Variants in IQSEC1 observed in about 807,000 individuals in gnomAD.
IQSEC1 encodes IQ motif and Sec7 domain ArfGEF 1, also known as IQ motif and SEC7 domain-containing protein 1.
A neutral mutation model predicts 91.0 loss-of-function variants in IQSEC1; 31 were observed. The ratio of observed to expected loss-of-function variants is 0.34; its 90% CI spans 0.26 to 0.46. The LOEUF is 0.46. Among genes scored for constraint, IQSEC1 ranks in the 20% least tolerant of loss-of-function variants. The pLI, the probability that IQSEC1 is intolerant of heterozygous loss-of-function variation, is 1.00. For synonymous variants in IQSEC1, 699 were observed against 662.6 expected (o/e 1.05, Z -0.84); for missense variants, 1,388 against 1,575.6 (o/e 0.88, Z 2.02).
At chr3:13,039,435 C>T (rs1002463546) in intron 1 of IQSEC1, among the ~76,000 whole-genome samples, 2 of 152,202 alleles carry the variant, frequency 1.3e-5, no homozygotes, top group African/African-American at 2.4e-5. Flanking sequence ...GCAAAACACC[C>T]CTTTCATACT....
intron 3 of IQSEC1, among the ~76,000 whole-genome samples, chr3:12,929,745 G>A (rs762477498): frequency 2.6e-5 from 4 of 152,082 alleles, no homozygotes; most frequent in Non-Finnish European, 5.9e-5. Flanking sequence ...GCATTAACAG[G>A]TGCTGCCTGC....
At position 12,909,236 on chromosome 3, in the gene IQSEC1, A is replaced by C; in HGVS notation, c.2578+37T>G. The C allele has an allele frequency of 6.2e-7, 1 of 1,604,782 alleles. No homozygotes were observed. The highest frequency in any genetic ancestry group is 8.5e-7 in the Non-Finnish European group (1 of 1,173,106). On this transcript the variant is annotated intron_variant, in intron 11 of 13. Coordinates refer to ENST00000613206, the MANE Select transcript of IQSEC1 (RefSeq NM_001134382.3). This position sits in a 1 kb window ranked among gnomAD's most constrained non-coding sequence, Gnocchi z 4.9. ...GGGGAGGCAAGTGCCAGAGTCTGGCAAGTCTCGGCCTTCTGTCCATGAGGC... is the reference window on the plus strand; with the variant it reads ...GGGGAGGCAAGTGCCAGAGTCTGGCCAGTCTCGGCCTTCTGTCCATGAGGC...
rs1185671483 is a variant in IQSEC1, at chr3:12,978,692, G to A, written c.24-36827C>T. Among the ~76,000 whole-genome samples the A allele has an allele frequency of 4.2e-5, 6 of 141,890 alleles. No homozygotes were observed. The South Asian group carries it at 7.3e-4, about 17-fold the overall frequency. The allele number at this position is 141,890 out of a possible 152,430, so 93.1% of individuals were successfully genotyped here. A position where few individuals can be genotyped will look rare whatever the true frequency, so the allele number is the denominator to read the frequency against. On this transcript the variant is annotated intron_variant, in intron 1 of 13. Coordinates refer to ENST00000613206, the MANE Select transcript of IQSEC1 (RefSeq NM_001134382.3). The stretch of plus-strand genomic sequence containing the variant: ...TGCACTCCAACCTGGGCAATAGAGC[G>A]AGGCTCAGTCTCAAAAAAAAAAATA...
At chr3:12,999,507 G>A (rs1702341740) in intron 1 of IQSEC1, among the ~76,000 whole-genome samples, 1 of 152,170 alleles carries the variant, frequency 6.6e-6, no homozygotes, top group Admixed American at 6.5e-5. Context: ...TGGGTTGGAG[G>A]TCAGTCCTGT....
At chr3:13,074,473 C>T (rs964699570), upstream of IQSEC1, among the ~76,000 whole-genome samples, 3 of 152,238 alleles carry the variant, frequency 2.0e-5, no homozygotes, top group Non-Finnish European at 2.9e-5. Flanking sequence ...GCTTCCTCAT[C>T]TGTAAACCAG....
chr3:13,056,438 T>G (rs111945665), intron 1 of IQSEC1, among the ~76,000 whole-genome samples: 2 of 152,174 alleles, frequency 1.3e-5, no homozygotes, highest in Admixed American at 6.5e-5. Flanking sequence ...CTCCTTCAGA[T>G]GTCAGACCCT....
intron 1 of IQSEC1, among the ~76,000 whole-genome samples, chr3:13,009,076 A>C (rs1576157715): frequency 6.6e-6 from 1 of 152,196 alleles, no homozygotes; most frequent in Non-Finnish European, 1.5e-5. Context: ...CCGAGAGATC[A>C]CCACACAGGG....
chr3:13,162,023 CCTGG>C (rs1306005866), intron 2 of IQSEC1, among the ~76,000 whole-genome samples: 4 of 152,200 alleles, frequency 2.6e-5, no homozygotes, highest in Admixed American at 6.5e-5. Context: ...ACAGCGCCTG[CCTGG>C]CAAATGCTTT....
intron 1 of IQSEC1, among the ~76,000 whole-genome samples, chr3:13,027,765 C>T (rs1288966974): frequency 6.6e-6 from 1 of 152,070 alleles, no homozygotes; most frequent in Non-Finnish European, 1.5e-5. Flanking sequence ...GGGGGGACTC[C>T]GACTGGTCAA....
chr3:13,179,990 TC>T (rs890322477), intron 1 of IQSEC1, among the ~76,000 whole-genome samples: 59 of 152,178 alleles, frequency 3.9e-4, no homozygotes, highest in Middle Eastern at 3.4e-3. Context: ...TGCCTGAGCC[TC>T]CCCCACCCCC....
At chr3:13,109,824 A>G (rs1269772471) in intron 2 of IQSEC1, among the ~76,000 whole-genome samples, 1 of 151,122 alleles carries the variant, frequency 6.6e-6, no homozygotes, top group Non-Finnish European at 1.5e-5. Flanking sequence ...ACCCAGTCTC[A>G]GGAATTTCTT....
rs1017892595 is a variant in IQSEC1 at position 12,994,440 on chromosome 3, C to T, written c.24-52575G>A. On this transcript the variant is annotated intron_variant, in intron 1 of 13. Transcript: ENST00000613206. This position sits in a 1 kb window ranked among gnomAD's most constrained non-coding sequence, Gnocchi z 4.5. ...TGGAGGGCGCTCAGGTCGGTGCAGC[C>T]GCTGCAGCGGATGGGTCAGGAGAGC... is the stretch of plus-strand genomic sequence containing the variant. Among the ~76,000 whole-genome samples, 2 of 152,068 alleles carry T rather than the reference C, an allele frequency of 1.3e-5. No homozygotes were observed. Among genetic ancestry groups the T allele is most frequent in the African/African-American group, 4.8e-5 (2 of 41,410 alleles).
chr3:13,067,039 G>A (rs1165703571), intron 1 of IQSEC1, among the ~76,000 whole-genome samples: 1 of 152,240 alleles, frequency 6.6e-6, no homozygotes, highest in Admixed American at 6.5e-5. Context: ...GATGAGGTCA[G>A]AGGCCCAGAG....
chr3:13,214,008 C>T lies in IQSEC1; in HGVS notation c.273-49875G>A, dbSNP rs1290675654. Among the ~76,000 whole-genome samples, 3 of 152,160 alleles carry T rather than the reference C, an allele frequency of 2.0e-5. No individual in the cohort carries two copies. Among genetic ancestry groups the T allele is most frequent in the Non-Finnish European group, 4.4e-5 (3 of 68,032 alleles). On this transcript the variant is annotated intron_variant, in intron 1 of 15. Coordinates refer to the IQSEC1 transcript ENST00000648114. This position sits in a 1 kb window ranked among gnomAD's most constrained non-coding sequence, Gnocchi z 4.5. ...CCTGGACCCATCGCTCTCCCCCGGG[C>T]TCTTCCTGGTCCCTCCCCGCCACCC...
chr3:13,157,109 G>A (rs1202878324), intron 2 of IQSEC1, among the ~76,000 whole-genome samples: 1 of 152,224 alleles, frequency 6.6e-6, no homozygotes, highest in Non-Finnish European at 1.5e-5. Context: ...ACCTGGGTCA[G>A]ATGCACACAT....
rs573303122 is a variant in IQSEC1 at position 12,955,039 on chromosome 3, C to G, written c.24-13174G>C. ...GAACAGGGGCTCAACAGTCACATAG[C>G]TGATGCGCAGCCCAGCCTGGCAGAG... On this transcript the variant is annotated intron_variant, in intron 1 of 13. Coordinates refer to ENST00000613206, the MANE Select transcript of IQSEC1 (RefSeq NM_001134382.3). Among the ~76,000 whole-genome samples, 3 of 152,350 alleles carry G rather than the reference C, an allele frequency of 2.0e-5. No homozygotes were observed. The East Asian group carries it at 5.8e-4, about 29-fold the overall frequency.
chr3:13,016,585 T>C (rs1429824162), intron 1 of IQSEC1, among the ~76,000 whole-genome samples: 1 of 152,134 alleles, frequency 6.6e-6, no homozygotes, highest in Non-Finnish European at 1.5e-5. Context: ...GCCAGCCTCC[T>C]CCTCTGTGCT....
At chr3:12,973,038 A>C (rs1700981534) in intron 1 of IQSEC1, among the ~76,000 whole-genome samples, 1 of 152,192 alleles carries the variant, frequency 6.6e-6, no homozygotes, top group Non-Finnish European at 1.5e-5. Flanking sequence ...CACAGAAACC[A>C]CTTGTGAATT....
intron 1 of IQSEC1, among the ~76,000 whole-genome samples, chr3:13,204,805 C>CTTT (rs536785311): frequency 7.2e-6 from 1 of 139,152 alleles, no homozygotes; most frequent in Admixed American, 7.2e-5. Context: ...ATCTTTCTTT[C>CTTT]TTTTTTTTTT....
Sources: allele counts gnomAD v4.1 joint callset (sites outside exome capture counted in the v4.1 genomes callset), GRCh38; gene constraint gnomAD v4.1.1; non-coding constraint Gnocchi (gnomAD v3.1); transcripts MANE v1.5; gene names NCBI Gene and HGNC (gene_info 2026-07-23, HGNC 2026-07-21).